LOC728743: variants seen among roughly 807,000 people sequenced by gnomAD.
chr7:150,404,290 T>C, the LOC728743 span, among the ~76,000 whole-genome samples: 1 of 152,234 alleles, frequency 6.6e-6, no homozygotes. Flanking sequence ...ACGTTCTCAC[T>C]GGGGCCCAGG....
At chr7:150,402,813 G>C in the LOC728743 span, among the ~76,000 whole-genome samples, 1 of 152,158 alleles carries the variant, frequency 6.6e-6, no homozygotes, top group African/African-American at 2.4e-5. Context: ...GCTGCCCCGA[G>C]GAGGCCCATG....
the LOC728743 span, chr7:150,404,465 C>T: frequency 6.6e-6 from 1 of 152,168 alleles, no homozygotes; most frequent in African/African-American, 2.4e-5. Flanking sequence ...CTCTGTGTTT[C>T]AATTTTATTT....
the LOC728743 span, among the ~76,000 whole-genome samples, chr7:150,407,050 T>C: frequency 6.6e-6 from 1 of 152,196 alleles, no homozygotes; most frequent in South Asian, 2.1e-4. Context: ...TACCTCCCCC[T>C]GTCCTTGAGA....
chr7:150,406,857 A>G, the LOC728743 span, among the ~76,000 whole-genome samples: 24 of 152,172 alleles, frequency 1.6e-4, no homozygotes, highest in Admixed American at 3.9e-4. Context: ...TGGTTCAGTG[A>G]CTTGGAAACC....
the LOC728743 span, among the ~76,000 whole-genome samples, chr7:150,408,702 A>C: frequency 1.3e-5 from 2 of 152,228 alleles, no homozygotes; most frequent in Non-Finnish European, 2.9e-5. Context: ...GCCCAACCTC[A>C]GCCCCTAGGC....
the LOC728743 span, chr7:150,410,110 C>T: frequency 1.0e-5 from 4 of 398,584 alleles, no homozygotes; most frequent in Non-Finnish European, 1.8e-5. Context: ...CTGGGCAGGG[C>T]CATGTCACGG....
chr7:150,411,799 G>A, the LOC728743 span: 1 of 152,392 alleles, frequency 6.6e-6, no homozygotes. Context: ...TTGTGCTAAT[G>A]GTGCAGTTTG....
the LOC728743 span, among the ~76,000 whole-genome samples, chr7:150,402,522 GA>G: frequency 6.6e-6 from 1 of 152,252 alleles, no homozygotes; most frequent in African/African-American, 2.4e-5. Flanking sequence ...GACATCGACT[GA>G]GGACCTATTG....
chr7:150,412,325 C>T, the LOC728743 span: 1 of 152,386 alleles, frequency 6.6e-6, no homozygotes, highest in Admixed American at 6.5e-5. Flanking sequence ...CTCTTACCTC[C>T]TTGGGGCAGT....
At chr7:150,409,142 G>T in the LOC728743 span, among the ~76,000 whole-genome samples, 1 of 136,478 alleles carries the variant, frequency 7.3e-6, no homozygotes, top group Admixed American at 7.5e-5. Flanking sequence ...TGTTTTCAAG[G>T]GAGGGGGGGT....
At chr7:150,408,069 A>G in the LOC728743 span, 2 of 379,304 alleles carry the variant, frequency 5.3e-6, no homozygotes, top group Admixed American at 4.6e-5. Context: ...CCCGCGCCGC[A>G]CCCGCGCCGC....
At chr7:150,404,686 T>C in the LOC728743 span, 11 of 152,466 alleles carry the variant, frequency 7.2e-5, 1 homozygote, top group East Asian at 2.1e-3. Context: ...AGTTGCTCTT[T>C]TATGGGATAT....
chr7:150,403,867 GTCC>G, the LOC728743 span, among the ~76,000 whole-genome samples: 1 of 152,214 alleles, frequency 6.6e-6, no homozygotes, highest in African/African-American at 2.4e-5. The surrounding 1 kb of genome is among the most constrained non-coding windows in gnomAD (Gnocchi z 5.1). Flanking sequence ...GGGCAGACTG[GTCC>G]TCCAAGCGAG....
chr7:150,404,803 G>C, the LOC728743 span: 1 of 152,360 alleles, frequency 6.6e-6, no homozygotes, highest in Non-Finnish European at 1.5e-5. Context: ...AGGCCATATA[G>C]TCAGGCAGAC....
At chr7:150,407,732 C>G in the LOC728743 span, 1 of 399,658 alleles carries the variant, frequency 2.5e-6, no homozygotes, top group African/African-American at 2.1e-5. Flanking sequence ...CCGCTGCCCG[C>G]TGTGCGGCCA....
chr7:150,407,850 A>C, the LOC728743 span: 1 of 426,036 alleles, frequency 2.3e-6, no homozygotes, highest in African/African-American at 2.0e-5. Context: ...TTCAGCGTCA[A>C]GCACAACCTC....
At chr7:150,407,904 GC>G in the LOC728743 span, 1 of 416,872 alleles carries the variant, frequency 2.4e-6, no homozygotes. Context: ...CCCTTCCCCT[GC>G]CCCGAGTGCG....
the LOC728743 span, among the ~76,000 whole-genome samples, chr7:150,402,769 G>GAGGAGCTGGAGGATGCGGGGAGC: frequency 1.1e-4 from 17 of 152,180 alleles, no homozygotes; most frequent in Non-Finnish European, 2.5e-4. Context: ...AGCCCTACAG[G>GAGGAGCTGGAGGATGCGGGGAGC]AGGAGCTGGA....
the LOC728743 span, chr7:150,410,073 C>T: frequency 3.1e-3 from 1,220 of 398,526 alleles, 11 homozygotes; most frequent in African/African-American, 0.023. Context: ...GCCAGCTGAT[C>T]GCTCCCTCCT....
Sources: allele counts gnomAD v4.1 joint callset (sites outside exome capture counted in the v4.1 genomes callset), GRCh38; gene constraint gnomAD v4.1.1; non-coding constraint Gnocchi (gnomAD v3.1); transcripts MANE v1.5.